The following ADK variants were observed in gnomAD, a reference collection of about 807,000 sequenced individuals.
The protein encoded by ADK is adenosine kinase, also known as N6,N6-dimethyladenosine kinase.
ADK carries 24 observed loss-of-function variants against 44.7 expected under a neutral mutation model. The observed-to-expected ratio is 0.54, with a 90% CI of 0.39 to 0.76. ADK has a LOEUF of 0.76. Among genes scored for constraint, ADK ranks in the 30% least tolerant of loss-of-function variants. ADK has a pLI of 0.00. For synonymous variants in ADK, 128 were observed against 142.6 expected (o/e 0.90, Z 0.73); for missense variants, 321 against 425.1 (o/e 0.76, Z 2.15).
At chr10:74,312,569 C>G (rs947931865) in intron 3 of ADK, among the ~76,000 whole-genome samples, 3 of 151,462 alleles carry the variant, frequency 2.0e-5, no homozygotes, top group Admixed American at 2.0e-4. Flanking sequence ...TTAAAAAAAT[C>G]CTTTTATATT....
At chr10:74,441,688 A>G (rs1294046058) in intron 6 of ADK, among the ~76,000 whole-genome samples, 1 of 152,202 alleles carries the variant, frequency 6.6e-6, no homozygotes, top group Non-Finnish European at 1.5e-5. Flanking sequence ...AAGCACAGGC[A>G]GCAAAAGCAA....
At chr10:74,539,327 C>T (rs1207381838) in intron 7 of ADK, among the ~76,000 whole-genome samples, 1 of 152,104 alleles carries the variant, frequency 6.6e-6, no homozygotes, top group Admixed American at 6.6e-5. Context: ...CAAGCCTGGC[C>T]AAGTCTAATT....
chr10:74,457,244 A>G (rs1845985695), intron 6 of ADK, among the ~76,000 whole-genome samples: 1 of 152,222 alleles, frequency 6.6e-6, no homozygotes, highest in African/African-American at 2.4e-5. Context: ...AAATGGATAC[A>G]TTGCTGGTCA....
chr10:74,704,646 CT>C (rs1158959457), intron 10 of ADK, among the ~76,000 whole-genome samples: 2 of 152,194 alleles, frequency 1.3e-5, no homozygotes, highest in African/African-American at 4.8e-5. Context: ...CTTCAGAATA[CT>C]TCATTCATCA....
At chr10:74,705,242 G>T (rs1282619124) in intron 10 of ADK, among the ~76,000 whole-genome samples, 1 of 151,112 alleles carries the variant, frequency 6.6e-6, no homozygotes, top group East Asian at 1.9e-4. Flanking sequence ...CTGCAGCACA[G>T]TTTCTCATTA....
chr10:74,191,647 T>C (rs942581182), intron 1 of ADK, among the ~76,000 whole-genome samples: 3 of 152,232 alleles, frequency 2.0e-5, no homozygotes, highest in Non-Finnish European at 4.4e-5. Context: ...AGAAAGTTCC[T>C]GTGCACCATT....
chr10:74,241,447 G>A (rs2132302230), intron 3 of ADK, among the ~76,000 whole-genome samples: 1 of 152,220 alleles, frequency 6.6e-6, no homozygotes, highest in East Asian at 1.9e-4. Flanking sequence ...GTGCAGTGGC[G>A]AGATCTCAGC....
chr10:74,517,424 C>T (rs1003762408), intron 6 of ADK, among the ~76,000 whole-genome samples: 9 of 151,920 alleles, frequency 5.9e-5, no homozygotes, highest in African/African-American at 2.2e-4. Context: ...TGTGGTGGCT[C>T]ACACCTGTAA....
intron 3 of ADK, among the ~76,000 whole-genome samples, chr10:74,265,219 A>G (rs995378689): frequency 6.9e-6 from 1 of 144,544 alleles, no homozygotes; most frequent in African/African-American, 2.5e-5. Flanking sequence ...AAATACTACA[A>G]TTTTTTTTTT....
intron 10 of ADK, among the ~76,000 whole-genome samples, chr10:74,699,958 A>G (rs912077392): frequency 2.0e-5 from 3 of 152,326 alleles, no homozygotes; most frequent in East Asian, 1.9e-4. Context: ...TTAAACCTCT[A>G]TGAAGGAGAA....
intron 6 of ADK, among the ~76,000 whole-genome samples, chr10:74,444,800 A>G (rs1159757750): frequency 6.6e-6 from 1 of 151,942 alleles, no homozygotes; most frequent in Non-Finnish European, 1.5e-5. Flanking sequence ...ACTTTTCCTA[A>G]AAGATAAGAT....
intron 4 of ADK, among the ~76,000 whole-genome samples, chr10:74,384,974 A>G (rs1244698902): frequency 1.3e-5 from 2 of 152,186 alleles, no homozygotes; most frequent in Non-Finnish European, 2.9e-5. Flanking sequence ...AAACAGAACT[A>G]AAGGCAGGGA....
At chr10:74,208,702 G>A (rs1240296197) in intron 2 of ADK, among the ~76,000 whole-genome samples, 5 of 151,468 alleles carry the variant, frequency 3.3e-5, no homozygotes, top group African/African-American at 1.2e-4. Context: ...ATTTAGATAA[G>A]TACTATGTAT....
At chr10:74,524,387 A>ATGAT (rs112681699) in intron 6 of ADK, among the ~76,000 whole-genome samples, 8 of 152,156 alleles carry the variant, frequency 5.3e-5, no homozygotes, top group South Asian at 4.1e-4. Flanking sequence ...GTAACAAGTT[A>ATGAT]TGATTGATTG....
rs570914215 is a variant in ADK at position 74,327,726 on chromosome 10, G to A, written c.273+12981G>A. Among the ~76,000 whole-genome samples the A allele has an allele frequency of 9.9e-5, 15 of 151,934 alleles. No homozygotes were observed. The South Asian group carries it at 1.9e-3, about 19-fold the overall frequency. ...CATGTAACAAACCTGCACATGTACCGCTGAACCTAAAATAAAAGTTAAAAA... is the reference window on the plus strand; with the variant it reads ...CATGTAACAAACCTGCACATGTACCACTGAACCTAAAATAAAAGTTAAAAA... On this transcript the variant is annotated intron_variant, in intron 4 of 10. Transcript: ENST00000539909.
At chr10:74,235,173 GA>G (rs1844913730) in intron 3 of ADK, among the ~76,000 whole-genome samples, 1 of 150,668 alleles carries the variant, frequency 6.6e-6, no homozygotes, top group Non-Finnish European at 1.5e-5. Flanking sequence ...ACTTGGGTGG[GA>G]AAATGTTCAT....
intron 7 of ADK, among the ~76,000 whole-genome samples, chr10:74,540,000 T>C (rs1325504606): frequency 6.6e-6 from 1 of 152,230 alleles, no homozygotes; most frequent in Admixed American, 6.5e-5. Flanking sequence ...TCTTCCTTTC[T>C]ACATAGCTCT....
chr10:74,266,269 C>T (rs1846209120), intron 3 of ADK, among the ~76,000 whole-genome samples: 1 of 151,862 alleles, frequency 6.6e-6, no homozygotes, highest in Non-Finnish European at 1.5e-5. Flanking sequence ...ATAGAAAGAT[C>T]GAAAGGCGGC....
At chr10:74,252,734 G>A (rs552711846) in intron 3 of ADK, among the ~76,000 whole-genome samples, 6 of 152,192 alleles carry the variant, frequency 3.9e-5, no homozygotes, top group African/African-American at 1.2e-4. Context: ...GTTAACCTAC[G>A]TTTCAGGGTC....
Sources: allele counts gnomAD v4.1 joint callset (sites outside exome capture counted in the v4.1 genomes callset), GRCh38; gene constraint gnomAD v4.1.1; transcripts MANE v1.5; gene names NCBI Gene and HGNC (gene_info 2026-07-23, HGNC 2026-07-21).